Variants in ILDR1 observed in about 807,000 individuals in gnomAD.
ILDR1 encodes immunoglobulin like domain containing receptor 1.
ILDR1 carries 56 observed loss-of-function variants against 62.4 expected under a neutral mutation model. That is an observed-to-expected ratio of 0.90 (90% CI 0.72 to 1.12). The LOEUF (loss-of-function observed/expected upper bound fraction) is 1.12. ILDR1 is among the 50% of genes most tolerant of loss of function. ILDR1 has a pLI of 0.00. For missense variants in ILDR1, 736 were observed against 710.6 expected (o/e 1.04, Z -0.41); for synonymous variants, 284 against 277.8 (o/e 1.02, Z -0.22).
intron 3 of ILDR1, among the ~76,000 whole-genome samples, chr3:122,002,520 T>C (rs975666050): frequency 1.3e-5 from 2 of 152,236 alleles, no homozygotes; most frequent in Admixed American, 1.3e-4. Flanking sequence ...AAAGTAAATG[T>C]AACTCAAGAA....
chr3:122,048,982 C>CT, the ILDR1 span, among the ~76,000 whole-genome samples: 2 of 151,914 alleles, frequency 1.3e-5, no homozygotes, highest in African/African-American at 4.8e-5. Context: ...GCTTGTTCTT[C>CT]TTTTTTTAGT....
the ILDR1 span, among the ~76,000 whole-genome samples, chr3:122,046,824 AT>A: frequency 7.5e-6 from 1 of 133,256 alleles, no homozygotes; most frequent in Non-Finnish European, 1.6e-5. Context: ...ATTCTTCTAA[AT>A]TTTTTTCAAA....
chr3:121,994,107 A>G (rs1294016151), intron 6 of ILDR1, 75 bp downstream of exon 6: 5 of 1,522,084 alleles, frequency 3.3e-6, no homozygotes, highest in Non-Finnish European at 4.4e-6. Flanking sequence ...CATCGGTCAC[A>G]GAGGTCTTGA....
At chr3:122,027,297 C>T in the ILDR1 span, among the ~76,000 whole-genome samples, 1 of 152,186 alleles carries the variant, frequency 6.6e-6, no homozygotes, top group African/African-American at 2.4e-5. Context: ...TCAAGAGACT[C>T]TCCTGCCTCA....
chr3:122,055,280 A>G, the ILDR1 span: 1 of 552,332 alleles, frequency 1.8e-6, no homozygotes, highest in Non-Finnish European at 3.2e-6. Flanking sequence ...GAAAGGGTTA[A>G]ATTTCTTCCT....
the ILDR1 span, among the ~76,000 whole-genome samples, chr3:122,029,228 C>T: frequency 2.6e-5 from 4 of 151,870 alleles, no homozygotes; most frequent in African/African-American, 7.3e-5. Flanking sequence ...ACAGGGGGGC[C>T]GGGTGTGGTG....
At chr3:122,056,757 G>T in the ILDR1 span, among the ~76,000 whole-genome samples, 2 of 152,180 alleles carry the variant, frequency 1.3e-5, no homozygotes, top group African/African-American at 2.4e-5. Flanking sequence ...TAATTTTCCA[G>T]TAAAGATTCC....
At chr3:122,032,760 A>T in the ILDR1 span, among the ~76,000 whole-genome samples, 3 of 152,340 alleles carry the variant, frequency 2.0e-5, no homozygotes, top group East Asian at 5.8e-4. Context: ...GTACTATGGA[A>T]AGTCCACATG....
At chr3:122,046,571 T>C in the ILDR1 span, among the ~76,000 whole-genome samples, 1 of 149,238 alleles carries the variant, frequency 6.7e-6, no homozygotes, top group African/African-American at 2.5e-5. Context: ...AGACGTAGAT[T>C]TGGTCTTTTC....
In ILDR1 at chr3:122,007,029, G is replaced by A; in HGVS notation, c.191C>T (p.Ser64Phe). The change falls in exon 2 of 8, where the codon TCC becomes TTC. Residue 64 changes from serine to phenylalanine, a missense_variant. By Grantham distance (155) the Ser-to-Phe change is radical. Coordinates refer to ENST00000344209, the MANE Select transcript of ILDR1 (RefSeq NM_001199799.2). ...QDVVVTWRFK[S>F]FCKDPIFDYY... ...GTCAAAGATAGGGTCCTTGCAGAAG[G>A]ACTTGAAGCGCCATGTCACCACCAC... is the stretch of plus-strand genomic sequence containing the variant. 1 of 1,613,640 alleles carries A rather than the reference G, an allele frequency of 6.2e-7. No individual in the cohort carries two copies. The highest frequency in any genetic ancestry group is 8.5e-7 in the Non-Finnish European group (1 of 1,180,024).
At chr3:122,035,901 G>A in the ILDR1 span, among the ~76,000 whole-genome samples, 1 of 152,338 alleles carries the variant, frequency 6.6e-6, no homozygotes, top group South Asian at 2.1e-4. Context: ...CTGGGTAATA[G>A]GCAGAGGTTG....
chr3:122,001,983 A>T (rs1015258665), intron 3 of ILDR1, 119 bp from the exon 4 acceptor site: 30 of 1,183,152 alleles, frequency 2.5e-5, no homozygotes, highest in Non-Finnish European at 3.2e-5. Context: ...AAAATAATAA[A>T]AAAAAAATTA....
At chr3:122,029,462 C>G in the ILDR1 span, among the ~76,000 whole-genome samples, 1 of 150,398 alleles carries the variant, frequency 6.6e-6, no homozygotes, top group Non-Finnish European at 1.5e-5. Flanking sequence ...AGCCGAGATC[C>G]AGCCACTGCA....
the ILDR1 span, among the ~76,000 whole-genome samples, chr3:122,029,140 A>G: frequency 6.6e-6 from 1 of 152,248 alleles, no homozygotes; most frequent in South Asian, 2.1e-4. Context: ...CTAAAGCATT[A>G]TGCTAATTAA....
In ILDR1 at chr3:122,001,301, C is replaced by T. The variant is rs2071520477; in HGVS notation, c.646+7G>A. ...CTCCATTCCACTGCTTGTCTGTCCC[C>T]TCTCACCTTCCTCAGGACAGCAGCA... On this transcript the variant is annotated splice_region_variant and intron_variant, in intron 5 of 7. Transcript: ENST00000344209. The T allele has an allele frequency of 1.2e-6, 2 of 1,614,148 alleles. No homozygotes were observed. The highest frequency in any genetic ancestry group is 1.7e-6 in the Non-Finnish European group (2 of 1,180,022).
At chr3:122,052,367 T>TC in the ILDR1 span, among the ~76,000 whole-genome samples, 1 of 152,310 alleles carries the variant, frequency 6.6e-6, no homozygotes, top group South Asian at 2.1e-4. Context: ...CTTTTCCATG[T>TC]CCCCTAGGGA....
intron 3 of ILDR1, among the ~76,000 whole-genome samples, chr3:122,004,487 G>T (rs1043623539): frequency 6.6e-6 from 1 of 152,178 alleles, no homozygotes. Flanking sequence ...GGAGAGGCTT[G>T]CCCAGGTTCA....
At chr3:122,023,816 G>C (rs905701694), upstream of ILDR1, among the ~76,000 whole-genome samples, 15 of 152,072 alleles carry the variant, frequency 9.9e-5, no homozygotes, top group Non-Finnish European at 1.9e-4. Flanking sequence ...GCAGCAGCAG[G>C]AGGAAGCTGC....
chr3:122,041,509 G>T, the ILDR1 span, among the ~76,000 whole-genome samples: 2 of 152,118 alleles, frequency 1.3e-5, no homozygotes, highest in African/African-American at 4.8e-5. Context: ...ACAGTTTCAG[G>T]TAGTCTGTTA....
Sources: gnomAD v4.1 joint callset for allele counts (sites outside exome capture counted in the v4.1 genomes callset) on GRCh38, gnomAD v4.1.1 for gene constraint, MANE v1.5 for transcripts, NCBI Gene and HGNC (gene_info 2026-07-23, HGNC 2026-07-21) for gene names.